SEMA6D: variants seen among roughly 807,000 people sequenced by gnomAD.
SEMA6D encodes semaphorin-6D.
Under a neutral mutation model 106.6 loss-of-function variants are expected in SEMA6D, and 35 were observed. That is an observed-to-expected ratio of 0.33 (90% CI 0.25 to 0.44). The LOEUF (loss-of-function observed/expected upper bound fraction) is 0.44, where lower values mean the gene tolerates loss of function less well. Ranked by LOEUF, SEMA6D falls within the 20% of genes least tolerant of loss-of-function variation. The pLI is 1.00. For missense variants in SEMA6D, 1,185 were observed against 1,345.9 expected, an observed-to-expected ratio of 0.88 and a Z score of 1.87; for synonymous variants, 499 against 487.7, an observed-to-expected ratio of 1.02 and a Z score of -0.31.
chr15:47,612,102 A>G (rs1379395316), intron 4 of SEMA6D, among the ~76,000 whole-genome samples: 2 of 152,170 alleles, frequency 1.3e-5, no homozygotes, highest in Non-Finnish European at 2.9e-5. Context: ...GCTGATTGGT[A>G]GGCATTGGAA....
At chr15:47,487,198 G>C (rs918137729) in intron 3 of SEMA6D, among the ~76,000 whole-genome samples, 5 of 152,184 alleles carry the variant, frequency 3.3e-5, no homozygotes, top group African/African-American at 1.2e-4. Context: ...TCAGTTGCAA[G>C]TGACATTGTG....
chr15:47,451,270 C>T (rs892113336), intron 2 of SEMA6D, among the ~76,000 whole-genome samples: 3 of 151,858 alleles, frequency 2.0e-5, no homozygotes, highest in Non-Finnish European at 2.9e-5. Flanking sequence ...AACCCAAAAT[C>T]GAATGCAAAA....
intron 1 of SEMA6D, among the ~76,000 whole-genome samples, chr15:47,244,580 G>C (rs1033205564): frequency 3.9e-5 from 6 of 152,116 alleles, no homozygotes; most frequent in African/African-American, 1.4e-4. Flanking sequence ...ACTTGTCCAG[G>C]TTTGTACAGT....
At chr15:47,273,790 C>T (rs1186635926) in intron 1 of SEMA6D, among the ~76,000 whole-genome samples, 3 of 152,196 alleles carry the variant, frequency 2.0e-5, no homozygotes, top group Admixed American at 2.0e-4. Context: ...TTGGCACTGG[C>T]TTACCATATC....
chr15:47,707,748 C>T (rs73394811), intron 4 of SEMA6D, among the ~76,000 whole-genome samples: 3,854 of 152,172 alleles, frequency 0.025, 179 homozygotes, highest in African/African-American at 0.089. Flanking sequence ...AATATGTTCC[C>T]GCTGTCTACT....
intron 1 of SEMA6D, among the ~76,000 whole-genome samples, chr15:47,373,916 C>T (rs1417352936): frequency 6.6e-6 from 1 of 152,114 alleles, no homozygotes; most frequent in Non-Finnish European, 1.5e-5. Flanking sequence ...TTTCACTGGG[C>T]CTTTAGGCAT....
At position 47,200,086 on chromosome 15, in the gene SEMA6D, T is replaced by A. The variant is rs561143580; in HGVS notation, c.-239+15668T>A. On this transcript the variant is annotated intron_variant, in intron 1 of 19. Coordinates refer to the SEMA6D transcript ENST00000558014. The stretch of plus-strand genomic sequence containing the variant: ...TGTGTCTTTGTCTATATACTCCATA[T>A]CACTACGTTCTGCTCAAACCAAAAG... Among the ~76,000 whole-genome samples, 4 of 152,304 alleles carry A rather than the reference T, an allele frequency of 2.6e-5. No individual in the cohort carries two copies. The South Asian group carries it at 8.3e-4, about 32-fold the overall frequency.
At chr15:47,717,329 A>G (rs1031652104), upstream of SEMA6D, 1 of 151,842 alleles carries the variant, frequency 6.6e-6, no homozygotes. Flanking sequence ...TTCACCCGCG[A>G]GGGCGAGCGC....
chr15:47,751,037 C>T (rs894494053), intron 1 of SEMA6D, among the ~76,000 whole-genome samples: 2 of 152,158 alleles, frequency 1.3e-5, no homozygotes, highest in South Asian at 2.1e-4. Context: ...ACTTCGGGGT[C>T]TCCTGGAATC....
intron 1 of SEMA6D, among the ~76,000 whole-genome samples, chr15:47,191,713 A>G (rs568071534): frequency 5.3e-5 from 8 of 152,056 alleles, no homozygotes; most frequent in Non-Finnish European, 8.8e-5. Flanking sequence ...AATCATACAT[A>G]TTACAGGATG....
intron 1 of SEMA6D, among the ~76,000 whole-genome samples, chr15:47,373,045 C>T (rs1013257640): frequency 5.9e-5 from 9 of 152,226 alleles, no homozygotes; most frequent in African/African-American, 2.2e-4. Flanking sequence ...CTTTTACTTC[C>T]TCTGCCTGGC....
At chr15:47,405,326 A>G (rs1021210322) in intron 1 of SEMA6D, among the ~76,000 whole-genome samples, 8 of 152,106 alleles carry the variant, frequency 5.3e-5, no homozygotes, top group African/African-American at 1.9e-4. Flanking sequence ...TTGGAGACAG[A>G]GTGGTTCCAG....
intron 1 of SEMA6D, among the ~76,000 whole-genome samples, chr15:47,215,789 A>G (rs1283581816): frequency 2.6e-5 from 4 of 152,214 alleles, no homozygotes. Context: ...ATTATAGATT[A>G]CATGGGGACT....
chr15:47,592,120 G>T (rs1430712799), intron 3 of SEMA6D, among the ~76,000 whole-genome samples: 1 of 152,168 alleles, frequency 6.6e-6, no homozygotes, highest in Non-Finnish European at 1.5e-5. Flanking sequence ...CAGCGAACTA[G>T]ATGTTATTTC....
At chr15:47,295,845 A>T (rs1056414816) in intron 1 of SEMA6D, among the ~76,000 whole-genome samples, 1 of 152,186 alleles carries the variant, frequency 6.6e-6, no homozygotes, top group African/African-American at 2.4e-5. Flanking sequence ...TTTAGCTAAG[A>T]GATTTTTCTT....
At chr15:47,746,613 C>T (rs796419546) in intron 1 of SEMA6D, among the ~76,000 whole-genome samples, 19 of 152,164 alleles carry the variant, frequency 1.2e-4, no homozygotes, top group African/African-American at 4.3e-4. Context: ...CATCCGAGCC[C>T]AAAGGGCAGA....
chr15:47,248,021 A>G (rs1436327600), intron 1 of SEMA6D, among the ~76,000 whole-genome samples: 1 of 152,188 alleles, frequency 6.6e-6, no homozygotes, highest in Admixed American at 6.5e-5. Context: ...TATGAGAAGG[A>G]AGTGGTTCAC....
intron 1 of SEMA6D, among the ~76,000 whole-genome samples, chr15:47,229,348 G>T (rs192908810): frequency 6.6e-6 from 1 of 152,006 alleles, no homozygotes; most frequent in East Asian, 1.9e-4. Flanking sequence ...ATATCTAGGT[G>T]CCCTGTGGTG....
At chr15:47,324,554 A>G (rs1360056235) in intron 1 of SEMA6D, among the ~76,000 whole-genome samples, 3 of 152,032 alleles carry the variant, frequency 2.0e-5, no homozygotes, top group Non-Finnish European at 2.9e-5. Flanking sequence ...AGGAGCAACA[A>G]TTTATTTAAC....
Sources: allele counts gnomAD v4.1 joint callset (sites outside exome capture counted in the v4.1 genomes callset), GRCh38; gene constraint gnomAD v4.1.1; transcripts MANE v1.5; gene names NCBI Gene and HGNC (gene_info 2026-07-23, HGNC 2026-07-21).